ACAT1: variants seen among roughly 807,000 people sequenced by gnomAD.
ACAT1 encodes the protein acetyl-CoA acetyltransferase, mitochondrial.
In ACAT1, 28 loss-of-function variants were observed where a neutral mutation model predicts 47.3. The ratio of observed to expected loss-of-function variants is 0.59; its 90% confidence interval spans 0.44 to 0.81. ACAT1 has a LOEUF of 0.81. Ranked by LOEUF, ACAT1 falls within the 30% of genes least tolerant of loss-of-function variation. ACAT1 has a pLI of 0.00. For synonymous variants in ACAT1, 181 were observed against 173.6 expected, an observed-to-expected ratio of 1.04 and a Z score of -0.34; for missense variants, 469 against 524.3, an observed-to-expected ratio of 0.89 and a Z score of 1.03.
At chr11:108,129,176 T>G (rs950822378) in intron 1 of ACAT1, 3 of 152,194 alleles carry the variant, frequency 2.0e-5, no homozygotes, top group Admixed American at 2.0e-4. Flanking sequence ...CTTAGAATAA[T>G]AGTCTCCAAT....
At chr11:108,142,715 T>TATCTAC in intron 9 of ACAT1, 165 bp downstream of exon 9, 1 of 612,662 alleles carries the variant, frequency 1.6e-6, no homozygotes, top group African/African-American at 1.8e-5. Context: ...CATGTGCCTG[T>TATCTAC]ACTACCATCT....
At chr11:108,144,227 A>C in intron 10 of ACAT1, 180 bp downstream of exon 10, 1 of 665,984 alleles carries the variant, frequency 1.5e-6, no homozygotes, top group Admixed American at 2.8e-5. Context: ...ACAAAAAAAA[A>C]AAAATAAAGA....
At chr11:108,121,766 C>T (rs2077153976) in intron 1 of ACAT1, 88 bp downstream of exon 1, 4 of 1,457,090 alleles carry the variant, frequency 2.7e-6, no homozygotes, top group Non-Finnish European at 2.8e-6. Context: ...CGTTGCGGCT[C>T]CCGCGGCCCG....
chr11:108,125,880 C>G (rs200732741), intron 1 of ACAT1, among the ~76,000 whole-genome samples: 1 of 148,156 alleles, frequency 6.7e-6, no homozygotes, highest in East Asian at 2.1e-4. Context: ...GAGCCGAGAT[C>G]GCGCCACTGC....
Position 108,141,641 on chromosome 11 carries a change from A to G in ACAT1, c.767A>G (p.Tyr256Cys). 1 of 1,613,614 alleles carries G rather than the reference A, an allele frequency of 6.2e-7. No individual in the cohort carries two copies. ...PDVVVKEDEEYKRVDFSKVPK... is the reference protein window; with the variant it reads ...PDVVVKEDEECKRVDFSKVPK... ...GTAGTGGTGAAAGAAGATGAAGAAT[A>G]TAAACGTGTTGATTTTAGCAAAGTT... Residue 256 changes from tyrosine to cysteine, a missense_variant, in exon 8 of 12, where the codon TAT becomes TGT. Transcript: ENST00000265838.
At chr11:108,129,869 A>G (rs1044836243) in intron 1 of ACAT1, among the ~76,000 whole-genome samples, 2 of 152,106 alleles carry the variant, frequency 1.3e-5, no homozygotes, top group Admixed American at 6.6e-5. Flanking sequence ...GTAGTCGCAG[A>G]TACTTGGGAG....
chr11:108,136,853 G>C (rs968228778), intron 5 of ACAT1: 1 of 152,160 alleles, frequency 6.6e-6, no homozygotes, highest in African/African-American at 2.4e-5. Context: ...GAGCTTGCTT[G>C]TCTGTATGCC....
At chr11:108,126,169 AT>A (rs924308585) in intron 1 of ACAT1, among the ~76,000 whole-genome samples, 86 of 152,036 alleles carry the variant, frequency 5.7e-4, no homozygotes, top group African/African-American at 2.0e-3. Context: ...CACCTGGCTA[AT>A]TTTTGTATTT....
chr11:108,129,189 CAT>C (rs757508586), intron 1 of ACAT1: 6 of 152,152 alleles, frequency 3.9e-5, no homozygotes, highest in Non-Finnish European at 7.3e-5. Context: ...TCTCCAATTC[CAT>C]CCAGGTTGCA....
At chr11:108,144,216 AAC>A in intron 10 of ACAT1, 169 bp downstream of exon 10, 1 of 699,410 alleles carries the variant, frequency 1.4e-6, no homozygotes. Context: ...AAGGATAACA[AAC>A]AAAAAAAAAA....
chr11:108,138,478 C>T (rs2077513969), intron 5 of ACAT1, among the ~76,000 whole-genome samples: 1 of 150,676 alleles, frequency 6.6e-6, no homozygotes, highest in South Asian at 2.1e-4. Flanking sequence ...CTCACAGCAA[C>T]CTCTGCCTCC....
intron 6 of ACAT1, 121 bp from the exon 7 acceptor site, chr11:108,139,944 T>A (rs2077553847): frequency 7.8e-7 from 1 of 1,289,424 alleles, no homozygotes; most frequent in African/African-American, 1.5e-5. Flanking sequence ...AGCCACCACC[T>A]CCGGCCTAAG....
At chr11:108,125,743 A>C (rs989383124) in intron 1 of ACAT1, among the ~76,000 whole-genome samples, 1 of 151,974 alleles carries the variant, frequency 6.6e-6, no homozygotes, top group Non-Finnish European at 1.5e-5. Context: ...CTGGCTAACA[A>C]GGTGAAACCC....
In ACAT1 at chr11:108,146,368, AAAT is replaced by A. The variant is rs748465398; in HGVS notation, c.1163+15_1163+17del. ...CTGGGACATCCAATTGGGTAGGTAA[AAAT>A]AATAACTATATCTAGGTTAAGAGCT... On this transcript the variant is annotated intron_variant, in intron 11 of 11. Coordinates refer to ENST00000265838, the MANE Select transcript of ACAT1 (RefSeq NM_000019.4). The A allele has an allele frequency of 9.9e-6, 16 of 1,613,358 alleles. No homozygotes were observed. The highest frequency in any genetic ancestry group is 3.3e-4 in the Middle Eastern group (2 of 6,072).
chr11:108,142,751 G>T (rs1420347994), intron 9 of ACAT1: 2 of 553,918 alleles, frequency 3.6e-6, no homozygotes, highest in Non-Finnish European at 6.6e-6. Flanking sequence ...GTGGGAGGAT[G>T]CCTTGAGCCC....
Position 108,133,851 on chromosome 11 carries a change from C to T in ACAT1, c.152C>T (p.Pro51Leu). The T allele has an allele frequency of 6.2e-7, 1 of 1,613,932 alleles. No individual in the cohort carries two copies. Among genetic ancestry groups the T allele is most frequent in the Non-Finnish European group, 8.5e-7 (1 of 1,179,982 alleles). The change falls in exon 3 of 12, where the codon CCC becomes CTC. Residue 51 changes from proline to leucine, a missense_variant. Physicochemically the swap from Pro to Leu is moderately conservative, Grantham distance 98. Transcript: ENST00000265838. ...EVVIVSATRT[P>L]IGSFLGSLSL... ...GTCATAGTAAGTGCTACAAGAACAC[C>T]CATTGGATCTTTTTTAGGCAGCCTT...
intron 6 of ACAT1, among the ~76,000 whole-genome samples, chr11:108,139,768 C>T (rs894107672): frequency 2.6e-5 from 4 of 152,090 alleles, no homozygotes; most frequent in African/African-American, 4.8e-5. Context: ...TCAAGCAATT[C>T]TCCTGCCTCA....
rs866346661 is a variant in ACAT1 at position 108,126,244 on chromosome 11, C to A, written c.72+4566C>A. Reference sequence around the variant, plus strand: ...TCTCAAACTTCTAATCTCAAGTGATCCACCTGCCTCGGCCTCCCAAAGGGC... The same window carrying A: ...TCTCAAACTTCTAATCTCAAGTGATACACCTGCCTCGGCCTCCCAAAGGGC... On this transcript the variant is annotated intron_variant, in intron 1 of 11. Coordinates refer to ENST00000265838, the MANE Select transcript of ACAT1 (RefSeq NM_000019.4). 2.6e-5 allele frequency among the ~76,000 whole-genome samples: 4 copies of A among 152,164 alleles called. No homozygotes were observed. In the East Asian group the frequency reaches 7.7e-4, roughly 29 times the overall value.
At position 108,147,510 on chromosome 11, in the gene ACAT1, G is replaced by GTTAAC. The variant is rs556749538; in HGVS notation, c.*123_*127dup. 2.2e-4 allele frequency: 291 copies of GTTAAC among 1,300,448 alleles called. 4 individuals are homozygous for GTTAAC. The East Asian group carries it at 6.3e-3, about 28-fold the overall frequency. The allele number at this position is 1,300,448 out of a possible 1,614,324, so 80.6% of individuals were successfully genotyped here. On this transcript the variant is annotated 3_prime_UTR_variant, in exon 12 of 12. Coordinates refer to ENST00000265838, the MANE Select transcript of ACAT1 (RefSeq NM_000019.4). Reference sequence around the variant, plus strand: ...TGTTTCATTTTTTATTATTTTCTATGTTAACTTTTAAAAATCAAAATGATG... The same window carrying GTTAAC: ...TGTTTCATTTTTTATTATTTTCTATGTTAACTTAACTTTTAAAAATCAAAATGATG...
Sources: gnomAD v4.1 joint callset for allele counts (sites outside exome capture counted in the v4.1 genomes callset) on GRCh38, gnomAD v4.1.1 for gene constraint, MANE v1.5 for transcripts, NCBI Gene and HGNC (gene_info 2026-07-23, HGNC 2026-07-21) for gene names.